Variants in MICU1 observed in about 807,000 individuals in gnomAD.
The protein encoded by MICU1 is mitochondrial calcium uptake 1.
A neutral mutation model predicts 56.8 loss-of-function variants in MICU1; 45 were observed. The ratio of observed to expected loss-of-function variants is 0.79; its 90% CI spans 0.62 to 1.02. The LOEUF (loss-of-function observed/expected upper bound fraction) is 1.02. MICU1 is among the 50% of genes least tolerant of loss of function. The pLI is 0.00. For missense variants in MICU1, 504 were observed against 587.1 expected, an observed-to-expected ratio of 0.86 and a Z score of 1.46; for synonymous variants, 186 against 195.1, an observed-to-expected ratio of 0.95 and a Z score of 0.39.
At chr10:72,478,849 G>T (rs1046931289) in intron 6 of MICU1, among the ~76,000 whole-genome samples, 11 of 152,154 alleles carry the variant, frequency 7.2e-5, no homozygotes, top group Admixed American at 7.2e-4. Context: ...CAGCTAGGCT[G>T]GTCTTGAACT....
chr10:72,482,252 G>C (rs934459825), intron 6 of MICU1, among the ~76,000 whole-genome samples: 1 of 152,132 alleles, frequency 6.6e-6, no homozygotes, highest in Non-Finnish European at 1.5e-5. Flanking sequence ...TGAGTCATTT[G>C]CTGCCTTACA....
chr10:72,446,423 C>T (rs1007723276), intron 8 of MICU1, among the ~76,000 whole-genome samples: 30 of 150,926 alleles, frequency 2.0e-4, no homozygotes, highest in African/African-American at 7.3e-4. Flanking sequence ...CTCCACCTCT[C>T]GGGTTCCAGT....
intron 1 of MICU1, among the ~76,000 whole-genome samples, chr10:72,612,421 T>C (rs1213983216): frequency 2.0e-5 from 3 of 152,196 alleles, no homozygotes; most frequent in African/African-American, 7.2e-5. Context: ...CATTTTCCTA[T>C]AGAGCATGAA....
intron 1 of MICU1, among the ~76,000 whole-genome samples, chr10:72,574,508 A>C (rs1437408857): frequency 1.3e-5 from 2 of 151,822 alleles, no homozygotes; most frequent in Non-Finnish European, 3.0e-5. Flanking sequence ...AGCAAGAGTG[A>C]AACTCCATCT....
intron 9 of MICU1, among the ~76,000 whole-genome samples, chr10:72,415,930 C>T (rs116567115): frequency 2.4e-3 from 361 of 152,232 alleles, no homozygotes; most frequent in African/African-American, 8.6e-3. Context: ...GCTCAGAGGA[C>T]TATTTTTCAT....
chr10:72,574,432 T>C (rs1340476996), intron 1 of MICU1, among the ~76,000 whole-genome samples: 1 of 152,068 alleles, frequency 6.6e-6, no homozygotes, highest in African/African-American at 2.4e-5. Flanking sequence ...GGCAGGAGAA[T>C]CGCTTGAACC....
At chr10:72,441,241 C>A (rs1351820208) in intron 8 of MICU1, among the ~76,000 whole-genome samples, 3 of 151,972 alleles carry the variant, frequency 2.0e-5, no homozygotes, top group Non-Finnish European at 2.9e-5. Context: ...GAGTTAATGT[C>A]CTTTGCAGGG....
At chr10:72,524,636 C>A in intron 5 of MICU1, 1 of 755,456 alleles carries the variant, frequency 1.3e-6, no homozygotes, top group Non-Finnish European at 1.8e-6. Context: ...GGGAGCAGGG[C>A]AAGGACATAT....
At chr10:72,600,442 A>G (rs565617021) in intron 1 of MICU1, among the ~76,000 whole-genome samples, 55 of 152,148 alleles carry the variant, frequency 3.6e-4, no homozygotes, top group Non-Finnish European at 1.5e-4. Context: ...TGAGGTTGGG[A>G]GTTCGAGACC....
At chr10:72,594,471 A>C (rs1841316547) in intron 1 of MICU1, among the ~76,000 whole-genome samples, 5 of 152,114 alleles carry the variant, frequency 3.3e-5, no homozygotes, top group Non-Finnish European at 7.4e-5. Context: ...GATAGGGAAA[A>C]AGCTTCATGA....
At chr10:72,550,044 C>A (rs1839996246) in intron 4 of MICU1, among the ~76,000 whole-genome samples, 1 of 151,844 alleles carries the variant, frequency 6.6e-6, no homozygotes, top group Admixed American at 6.6e-5. Flanking sequence ...CAGTGGCGGT[C>A]CCATAAGATT....
intron 1 of MICU1, among the ~76,000 whole-genome samples, chr10:72,588,738 A>G (rs1841137605): frequency 6.6e-6 from 1 of 152,322 alleles, no homozygotes; most frequent in East Asian, 1.9e-4. Flanking sequence ...TATGCATCGT[A>G]GGATGTTTAG....
At chr10:72,532,561 C>T (rs1042359676) in intron 5 of MICU1, among the ~76,000 whole-genome samples, 8 of 152,288 alleles carry the variant, frequency 5.3e-5, no homozygotes, top group Middle Eastern at 3.4e-3. Flanking sequence ...TAAGTCCTCA[C>T]ATTGGATAGG....
At chr10:72,399,138 C>A (rs773084611) in intron 10 of MICU1, among the ~76,000 whole-genome samples, 1 of 152,150 alleles carries the variant, frequency 6.6e-6, no homozygotes, top group Non-Finnish European at 1.5e-5. Flanking sequence ...GCTGGTTCAA[C>A]ATACGCAAAC....
chr10:72,423,482 A>G lies in MICU1; in HGVS notation c.934-111T>C, dbSNP rs531490380. 550 of 1,304,380 alleles carry G rather than the reference A, an allele frequency of 4.2e-4. 1 individual carries two copies. The highest frequency in any genetic ancestry group is 9.3e-4 in the South Asian group (61 of 65,506). The allele number at this position is 1,304,380 out of a possible 1,614,324, so 80.8% of individuals were successfully genotyped here. On this transcript the variant is annotated intron_variant, in intron 8 of 11. Transcript: ENST00000361114. ...CAGAAAATAGCTGATGACTGGGACT[A>G]TATTTTTGAGGTACAATTCTCAGTA...
At chr10:72,400,922 A>G (rs1423728314) in intron 10 of MICU1, among the ~76,000 whole-genome samples, 1 of 151,374 alleles carries the variant, frequency 6.6e-6, no homozygotes, top group African/African-American at 2.4e-5. Context: ...GATATCATTA[A>G]CTTGTTTTTC....
At chr10:72,424,766 C>T (rs967564376) in intron 8 of MICU1, among the ~76,000 whole-genome samples, 1 of 152,228 alleles carries the variant, frequency 6.6e-6, no homozygotes, top group South Asian at 2.1e-4. Flanking sequence ...CAACACCACA[C>T]CATTTCCTAC....
chr10:72,372,014 C>T (rs1862359919), intron 11 of MICU1, among the ~76,000 whole-genome samples: 1 of 151,540 alleles, frequency 6.6e-6, no homozygotes, highest in African/African-American at 2.4e-5. Flanking sequence ...CAACATTATG[C>T]CCCCGCACTC....
At chr10:72,609,552 G>A (rs1334259961) in intron 1 of MICU1, among the ~76,000 whole-genome samples, 1 of 152,008 alleles carries the variant, frequency 6.6e-6, no homozygotes, top group Non-Finnish European at 1.5e-5. Context: ...GGCTAACACG[G>A]TGAAACCCCG....
Sources: gnomAD v4.1 joint callset for allele counts (sites outside exome capture counted in the v4.1 genomes callset) on GRCh38, gnomAD v4.1.1 for gene constraint, MANE v1.5 for transcripts, NCBI Gene and HGNC (gene_info 2026-07-23, HGNC 2026-07-21) for gene names.